The following CEP63 variants were observed in gnomAD, a reference collection of about 807,000 sequenced individuals.
The protein encoded by CEP63 is centrosomal protein 63, also known as centrosomal protein of 63 kDa.
CEP63 carries 84 observed loss-of-function variants against 89.1 expected under a neutral mutation model. The ratio of observed to expected loss-of-function variants is 0.94; its 90% CI spans 0.79 to 1.13. The LOEUF (loss-of-function observed/expected upper bound fraction) is 1.13. Ranked by LOEUF, CEP63 falls within the 50% of genes most tolerant of loss-of-function variation. The pLI is 0.00. For synonymous variants in CEP63, 267 were observed against 272.5 expected, an observed-to-expected ratio of 0.98 and a Z score of 0.20; for missense variants, 838 against 813.3, an observed-to-expected ratio of 1.03 and a Z score of -0.37.
rs549779298 is a variant in CEP63, at chr3:134,549,281, C to G, written c.1182+105C>G. ...TTTTTAATGAGAAAAAAATGTAGTT[C>G]AAGGGACCACTTGATATTTAGGAGT... On this transcript the variant is annotated intron_variant, in intron 10 of 14. Coordinates refer to ENST00000675561, the MANE Select transcript of CEP63 (RefSeq NM_001353108.3). 36 of 727,696 alleles carry G rather than the reference C, an allele frequency of 4.9e-5. No homozygotes were observed. The African/African-American group carries it at 5.6e-4, about 11-fold the overall frequency. The allele number at this position is 727,696 out of a possible 1,614,324, so 45.1% of individuals were successfully genotyped here.
At chr3:134,525,419 A>G (rs1948440257) in intron 3 of CEP63, among the ~76,000 whole-genome samples, 1 of 152,064 alleles carries the variant, frequency 6.6e-6, no homozygotes, top group Non-Finnish European at 1.5e-5. Flanking sequence ...TATGTATGTC[A>G]CTGCATGTGA....
chr3:134,583,649 T>G (rs1268370066), intron 10 of CEP63, among the ~76,000 whole-genome samples: 3 of 152,176 alleles, frequency 2.0e-5, no homozygotes, highest in African/African-American at 7.2e-5. Flanking sequence ...CTTAGGATTG[T>G]CTTGGCTATG....
At chr3:134,651,678 A>G in the CEP63 span, 1 of 897,766 alleles carries the variant, frequency 1.1e-6, no homozygotes, top group Non-Finnish European at 1.3e-6. Flanking sequence ...CAAGCTAACG[A>G]TCCTCTTTGA....
chr3:134,583,715 A>G (rs1958416605), intron 10 of CEP63, among the ~76,000 whole-genome samples: 1 of 152,280 alleles, frequency 6.6e-6, no homozygotes, highest in African/African-American at 2.4e-5. Flanking sequence ...AATTCTGTGA[A>G]GAAAGTCATT....
chr3:134,613,989 C>T, the CEP63 span, among the ~76,000 whole-genome samples: 1 of 152,154 alleles, frequency 6.6e-6, no homozygotes, highest in Non-Finnish European at 1.5e-5. Context: ...TACAACGCAA[C>T]ACAATGTAAC....
At chr3:134,539,380 A>G (rs1951531155) in intron 6 of CEP63, among the ~76,000 whole-genome samples, 1 of 152,146 alleles carries the variant, frequency 6.6e-6, no homozygotes, top group Non-Finnish European at 1.5e-5. Flanking sequence ...ACCATTCCCT[A>G]CTTCTTATTT....
At chr3:134,604,899 G>A in the CEP63 span, among the ~76,000 whole-genome samples, 2 of 152,266 alleles carry the variant, frequency 1.3e-5, no homozygotes, top group Admixed American at 6.5e-5. Context: ...TGTAGCATCT[G>A]TCTAAGTGTC....
Position 134,507,222 on chromosome 3 carries a change from G to T in CEP63, c.158G>T (p.Cys53Phe). The T allele has an allele frequency of 1.2e-6, 2 of 1,613,718 alleles. No homozygotes were observed. Among genetic ancestry groups the T allele is most frequent in the South Asian group, 2.2e-5 (2 of 91,070 alleles). Residue 53 changes from cysteine to phenylalanine, a missense_variant, in exon 3 of 15, where the codon TGC becomes TTC. Physicochemically the swap from Cys to Phe is radical, Grantham distance 205. Coordinates refer to ENST00000675561, the MANE Select transcript of CEP63 (RefSeq NM_001353108.3). ...WEGRTHALET[C>F]LKIREQELKS... ...GGACGTACACATGCTCTAGAAACTTGCTTGAAAATCCGTGAACAGGAACTT... is the reference window on the plus strand; with the variant it reads ...GGACGTACACATGCTCTAGAAACTTTCTTGAAAATCCGTGAACAGGAACTT...
chr3:134,683,381 A>C, the CEP63 span, among the ~76,000 whole-genome samples: 2 of 152,216 alleles, frequency 1.3e-5, no homozygotes, highest in Non-Finnish European at 2.9e-5. Context: ...ATTGGGTCCA[A>C]CATCCTCATT....
chr3:134,691,913 T>C, the CEP63 span, among the ~76,000 whole-genome samples: 3 of 152,182 alleles, frequency 2.0e-5, no homozygotes, highest in East Asian at 2.0e-4. Flanking sequence ...GGTTTCACCA[T>C]GTTGGTCATG....
chr3:134,615,716 AT>A, the CEP63 span, among the ~76,000 whole-genome samples: 4 of 152,172 alleles, frequency 2.6e-5, no homozygotes, highest in African/African-American at 9.7e-5. Flanking sequence ...CCAGCATCAG[AT>A]TTGGTGATAA....
the CEP63 span, among the ~76,000 whole-genome samples, chr3:134,759,921 A>G: frequency 6.6e-6 from 1 of 152,376 alleles, no homozygotes; most frequent in East Asian, 1.9e-4. Flanking sequence ...ATGAAAAACC[A>G]GAGCACAGAG....
At chr3:134,505,541 A>G (rs1943241082) in intron 2 of CEP63, among the ~76,000 whole-genome samples, 1 of 152,122 alleles carries the variant, frequency 6.6e-6, no homozygotes, top group Non-Finnish European at 1.5e-5. Flanking sequence ...AGGCTCCCAG[A>G]TGGCATGCAC....
At chr3:134,567,634 A>G (rs1480963157), downstream of CEP63, among the ~76,000 whole-genome samples, 1 of 152,176 alleles carries the variant, frequency 6.6e-6, no homozygotes, top group Admixed American at 6.5e-5. Flanking sequence ...TGGATGTTCA[A>G]GCTCTGTTAA....
the CEP63 span, among the ~76,000 whole-genome samples, chr3:134,628,715 T>A: frequency 2.6e-5 from 4 of 152,238 alleles, no homozygotes; most frequent in African/African-American, 9.6e-5. Context: ...TCTCATTTAA[T>A]CTCATAATAA....
the CEP63 span, among the ~76,000 whole-genome samples, chr3:134,709,337 C>T: frequency 6.6e-6 from 1 of 152,052 alleles, no homozygotes; most frequent in African/African-American, 2.4e-5. Context: ...GGTGATTGCA[C>T]CTGGATGCCA....
the CEP63 span, among the ~76,000 whole-genome samples, chr3:134,596,161 A>G: frequency 6.6e-6 from 1 of 152,158 alleles, no homozygotes; most frequent in East Asian, 1.9e-4. Context: ...TATAATCTTC[A>G]AACAGGGCCA....
the CEP63 span, among the ~76,000 whole-genome samples, chr3:134,654,859 G>A: frequency 6.6e-6 from 1 of 151,938 alleles, no homozygotes; most frequent in African/African-American, 2.4e-5. Context: ...CCAGTCCTTG[G>A]AGCTTCTGGG....
intron 2 of CEP63, 76 bp from the exon 3 acceptor site, chr3:134,507,033 A>G (rs766439572): frequency 2.1e-5 from 23 of 1,073,276 alleles, no homozygotes; most frequent in Non-Finnish European, 3.0e-5. Flanking sequence ...TACATCTGCT[A>G]TATTTTTACA....
Sources: allele counts gnomAD v4.1 joint callset (sites outside exome capture counted in the v4.1 genomes callset), GRCh38; gene constraint gnomAD v4.1.1; transcripts MANE v1.5; gene names NCBI Gene and HGNC (gene_info 2026-07-23, HGNC 2026-07-21).